The following PABPC4L variants were observed in gnomAD, a reference collection of about 807,000 sequenced individuals.
PABPC4L encodes polyadenylate-binding protein 4-like.
For synonymous variants in PABPC4L, 169 were observed against 164.1 expected (o/e 1.03, Z -0.23); for missense variants, 452 against 451.4 (o/e 1.00, Z -0.01).
the PABPC4L span, among the ~76,000 whole-genome samples, chr4:133,952,645 G>T: frequency 6.6e-6 from 1 of 152,020 alleles, no homozygotes; most frequent in African/African-American, 2.4e-5. Context: ...AGTTCAATTT[G>T]TAAGGGTGTG....
the PABPC4L span, among the ~76,000 whole-genome samples, chr4:134,156,664 T>C: frequency 6.6e-6 from 1 of 151,876 alleles, no homozygotes; most frequent in African/African-American, 2.4e-5. Context: ...TGGGTACCTG[T>C]TAATAAATAC....
chr4:134,143,534 C>G, the PABPC4L span, among the ~76,000 whole-genome samples: 1 of 150,370 alleles, frequency 6.7e-6, no homozygotes, highest in Admixed American at 6.6e-5. Flanking sequence ...TATGTTAATA[C>G]ACAAAATTAA....
At chr4:134,060,882 C>A in the PABPC4L span, among the ~76,000 whole-genome samples, 17 of 151,984 alleles carry the variant, frequency 1.1e-4, no homozygotes, top group Admixed American at 9.2e-4. Flanking sequence ...CAATTGAACT[C>A]ATGAAGATAG....
chr4:134,090,391 A>G, the PABPC4L span, among the ~76,000 whole-genome samples: 2 of 152,054 alleles, frequency 1.3e-5, no homozygotes, highest in East Asian at 3.9e-4. Flanking sequence ...TTTGAAATAC[A>G]TTCCTTCACA....
At chr4:134,125,171 C>T in the PABPC4L span, among the ~76,000 whole-genome samples, 1 of 151,982 alleles carries the variant, frequency 6.6e-6, no homozygotes, top group Non-Finnish European at 1.5e-5. Flanking sequence ...ATTGAGAATA[C>T]TTTTTGAAAA....
chr4:134,111,407 A>G, the PABPC4L span, among the ~76,000 whole-genome samples: 1 of 151,958 alleles, frequency 6.6e-6, no homozygotes, highest in African/African-American at 2.4e-5. Flanking sequence ...GCAAATATAG[A>G]TATAGATGAT....
chr4:134,188,610 T>G, the PABPC4L span, among the ~76,000 whole-genome samples: 4 of 152,114 alleles, frequency 2.6e-5, no homozygotes, highest in East Asian at 1.9e-4. Context: ...TTGTTGGTTT[T>G]GTTTTGTTTT....
At chr4:134,049,785 A>G in the PABPC4L span, among the ~76,000 whole-genome samples, 3 of 152,212 alleles carry the variant, frequency 2.0e-5, no homozygotes, top group Non-Finnish European at 2.9e-5. Flanking sequence ...CTTAATCAAC[A>G]TGCTGTCCCA....
chr4:133,965,813 A>G, the PABPC4L span, among the ~76,000 whole-genome samples: 1 of 152,196 alleles, frequency 6.6e-6, no homozygotes, highest in Non-Finnish European at 1.5e-5. Flanking sequence ...CTTAAACAAA[A>G]ATCAACTCAA....
chr4:134,127,373 T>C, the PABPC4L span, among the ~76,000 whole-genome samples: 3 of 151,916 alleles, frequency 2.0e-5, no homozygotes, highest in Non-Finnish European at 4.4e-5. Context: ...AAACAAAAAA[T>C]CAATGAGGAC....
chr4:133,967,605 C>T, the PABPC4L span, among the ~76,000 whole-genome samples: 1 of 152,134 alleles, frequency 6.6e-6, no homozygotes, highest in Admixed American at 6.5e-5. Flanking sequence ...GGACACTGAA[C>T]AAGAATTGCT....
At chr4:134,080,309 T>C in the PABPC4L span, among the ~76,000 whole-genome samples, 6 of 152,174 alleles carry the variant, frequency 3.9e-5, no homozygotes, top group Non-Finnish European at 7.3e-5. Context: ...ACCTCTCAGA[T>C]ATCACCTTAT....
the PABPC4L span, among the ~76,000 whole-genome samples, chr4:134,032,417 A>T: frequency 2.6e-5 from 4 of 151,828 alleles, no homozygotes; most frequent in Non-Finnish European, 4.4e-5. Context: ...ATTTCTTCAG[A>T]TTCTAATGGT....
chr4:134,063,065 T>C, the PABPC4L span, among the ~76,000 whole-genome samples: 1 of 152,102 alleles, frequency 6.6e-6, no homozygotes, highest in Non-Finnish European at 1.5e-5. Flanking sequence ...TGTATTTTCT[T>C]GAAGATTGTT....
chr4:134,061,225 T>C, the PABPC4L span, among the ~76,000 whole-genome samples: 1 of 151,360 alleles, frequency 6.6e-6, no homozygotes, highest in African/African-American at 2.4e-5. Context: ...CCCACAAAAA[T>C]TAAAAATTAA....
chr4:133,951,585 T>A, the PABPC4L span, among the ~76,000 whole-genome samples: 1 of 152,238 alleles, frequency 6.6e-6, no homozygotes, highest in African/African-American at 2.4e-5. Context: ...AAGCAACAGG[T>A]TGCCTCTTCT....
the PABPC4L span, among the ~76,000 whole-genome samples, chr4:134,153,978 A>C: frequency 2.6e-5 from 4 of 151,860 alleles, no homozygotes; most frequent in African/African-American, 4.8e-5. Flanking sequence ...AATTCCAAAG[A>C]GGAAAAAGGA....
chr4:134,152,738 T>C, the PABPC4L span, among the ~76,000 whole-genome samples: 1 of 152,196 alleles, frequency 6.6e-6, no homozygotes, highest in Non-Finnish European at 1.5e-5. Flanking sequence ...GTCTGTTTTA[T>C]GTTGCTATAA....
At chr4:133,955,851 T>C in the PABPC4L span, among the ~76,000 whole-genome samples, 1 of 152,190 alleles carries the variant, frequency 6.6e-6, no homozygotes, top group East Asian at 1.9e-4. Flanking sequence ...TGACCATTTA[T>C]GCTCTCTTTT....
Sources: allele counts gnomAD v4.1 joint callset (sites outside exome capture counted in the v4.1 genomes callset), GRCh38; gene constraint gnomAD v4.1.1; transcripts MANE v1.5; gene names NCBI Gene and HGNC (gene_info 2026-07-23, HGNC 2026-07-21).